Variants in SLC24A2 observed in about 807,000 individuals in gnomAD.
The protein encoded by SLC24A2 is sodium/potassium/calcium exchanger 2.
Under a neutral mutation model 62.0 loss-of-function variants are expected in SLC24A2, and 36 were observed. The observed-to-expected ratio is 0.58, with a 90% CI of 0.44 to 0.77. SLC24A2 has a LOEUF of 0.77. Ranked by LOEUF, SLC24A2 falls within the 30% of genes least tolerant of loss-of-function variation. SLC24A2 has a pLI of 0.00. For missense variants in SLC24A2, 846 were observed against 817.9 expected (o/e 1.03, Z -0.42); for synonymous variants, 358 against 294.0 (o/e 1.22, Z -2.23).
chr9:19,993,427 G>A, the SLC24A2 span, among the ~76,000 whole-genome samples: 1 of 152,112 alleles, frequency 6.6e-6, no homozygotes, highest in Non-Finnish European at 1.5e-5. Flanking sequence ...TGGGCTCATG[G>A]CTATTTTAAA....
At chr9:19,702,291 A>G (rs978348377) in intron 2 of SLC24A2, among the ~76,000 whole-genome samples, 1 of 152,164 alleles carries the variant, frequency 6.6e-6, no homozygotes, top group African/African-American at 2.4e-5. Flanking sequence ...GTTTTTCATA[A>G]TGAAGAATAA....
Position 19,512,413 on chromosome 9 carries a change from C to T in SLC24A2, c.*3740G>A, listed in dbSNP as rs7872265. The stretch of plus-strand genomic sequence containing the variant: ...CTTTAGGACATTCTGCTGCATCTGC[C>T]GAGGGTATAAACAACCCTATCCCTT... On this transcript the variant is annotated 3_prime_UTR_variant, in exon 11 of 11. Coordinates refer to ENST00000341998, the MANE Select transcript of SLC24A2 (RefSeq NM_020344.4). The T allele has an allele frequency of 0.32, 48,762 of 152,074 alleles. 8,880 individuals are homozygous for T. Among genetic ancestry groups the T allele is most frequent in the East Asian group, 0.58 (2,999 of 5,172 alleles). The allele number at this position is 152,074 out of a possible 1,614,324, so 9.4% of individuals were successfully genotyped here.
intron 2 of SLC24A2, among the ~76,000 whole-genome samples, chr9:19,725,829 T>C (rs1375638790): frequency 6.6e-6 from 1 of 152,156 alleles, no homozygotes; most frequent in Non-Finnish European, 1.5e-5. Flanking sequence ...TAGCATATCT[T>C]AGAACAGCTT....
the SLC24A2 span, among the ~76,000 whole-genome samples, chr9:19,901,989 A>G: frequency 6.6e-6 from 1 of 152,304 alleles, no homozygotes; most frequent in East Asian, 1.9e-4. Flanking sequence ...GCCACAGAAC[A>G]AGAAAAACCT....
At chr9:19,899,327 T>C in the SLC24A2 span, among the ~76,000 whole-genome samples, 1 of 152,184 alleles carries the variant, frequency 6.6e-6, no homozygotes, top group South Asian at 2.1e-4. Flanking sequence ...TGCAACTGGA[T>C]GGAAACTGGC....
At chr9:19,904,098 G>A in the SLC24A2 span, among the ~76,000 whole-genome samples, 1 of 152,124 alleles carries the variant, frequency 6.6e-6, no homozygotes, top group African/African-American at 2.4e-5. Flanking sequence ...AGACCTGCCA[G>A]GACCTGTATC....
the SLC24A2 span, among the ~76,000 whole-genome samples, chr9:20,284,281 A>T: frequency 2.0e-5 from 3 of 149,202 alleles, no homozygotes; most frequent in Non-Finnish European, 4.5e-5. Context: ...GTTTTCAGGT[A>T]TTTTTTTTTT....
the SLC24A2 span, among the ~76,000 whole-genome samples, chr9:20,026,737 G>A: frequency 2.0e-5 from 3 of 152,120 alleles, no homozygotes; most frequent in Non-Finnish European, 4.4e-5. Context: ...AGAAAACATA[G>A]GGGAAAAGCT....
the SLC24A2 span, among the ~76,000 whole-genome samples, chr9:20,134,219 G>C: frequency 1.3e-5 from 2 of 152,164 alleles, no homozygotes; most frequent in Non-Finnish European, 2.9e-5. Context: ...GAGAAGCAAT[G>C]CTTCAGGTGG....
the SLC24A2 span, among the ~76,000 whole-genome samples, chr9:19,942,195 A>G: frequency 3.9e-5 from 6 of 152,226 alleles, no homozygotes; most frequent in African/African-American, 1.4e-4. Context: ...TTTCAACAGC[A>G]GAGCTGGGGA....
At chr9:19,566,508 TTGG>T (rs1178069085) in intron 7 of SLC24A2, among the ~76,000 whole-genome samples, 1 of 151,450 alleles carries the variant, frequency 6.6e-6, no homozygotes, top group African/African-American at 2.4e-5. Context: ...TTTTACACTG[TTGG>T]TGGGACTGTA....
the SLC24A2 span, among the ~76,000 whole-genome samples, chr9:19,860,849 C>A: frequency 6.6e-6 from 1 of 152,152 alleles, no homozygotes; most frequent in South Asian, 2.1e-4. Flanking sequence ...GAAGGTGAGA[C>A]TTTTCTGCCT....
the SLC24A2 span, among the ~76,000 whole-genome samples, chr9:19,863,255 T>A: frequency 6.6e-6 from 1 of 151,968 alleles, no homozygotes; most frequent in African/African-American, 2.4e-5. Flanking sequence ...AATATTATCA[T>A]AGCTAAAGAA....
chr9:19,922,693 T>C, the SLC24A2 span, among the ~76,000 whole-genome samples: 1 of 152,052 alleles, frequency 6.6e-6, no homozygotes, highest in East Asian at 1.9e-4. Flanking sequence ...TCTAGAGCAA[T>C]GGGGCCACCT....
chr9:20,165,384 G>T, the SLC24A2 span, among the ~76,000 whole-genome samples: 1 of 151,784 alleles, frequency 6.6e-6, no homozygotes, highest in Non-Finnish European at 1.5e-5. Flanking sequence ...TATGGGTTGA[G>T]CTATGAGCCC....
At chr9:19,924,985 G>C in the SLC24A2 span, among the ~76,000 whole-genome samples, 2 of 152,120 alleles carry the variant, frequency 1.3e-5, no homozygotes, top group African/African-American at 2.4e-5. Flanking sequence ...CAATTCTAAG[G>C]GGTCTTTGGC....
At chr9:20,155,692 G>C in the SLC24A2 span, among the ~76,000 whole-genome samples, 2 of 151,668 alleles carry the variant, frequency 1.3e-5, no homozygotes, top group Non-Finnish European at 2.9e-5. Flanking sequence ...CAGATATAAA[G>C]GGCATAATTG....
At chr9:19,516,737 T>C (rs1443940393) in intron 10 of SLC24A2, among the ~76,000 whole-genome samples, 1 of 152,152 alleles carries the variant, frequency 6.6e-6, no homozygotes. Flanking sequence ...AATGTTGCTT[T>C]CAGTCCTAAA....
At chr9:19,529,639 G>T (rs752578820) in intron 8 of SLC24A2, among the ~76,000 whole-genome samples, 1 of 150,988 alleles carries the variant, frequency 6.6e-6, no homozygotes, top group African/African-American at 2.4e-5. Context: ...TTTCTTAGAA[G>T]AAAAATATTT....
Sources: gnomAD v4.1 joint callset for allele counts (sites outside exome capture counted in the v4.1 genomes callset) on GRCh38, gnomAD v4.1.1 for gene constraint, MANE v1.5 for transcripts, NCBI Gene and HGNC (gene_info 2026-07-23, HGNC 2026-07-21) for gene names.